The following NBAS variants were observed in gnomAD, a reference collection of about 807,000 sequenced individuals.
NBAS encodes NBAS subunit of NRZ tethering complex, also known as NAG/BC035112 fusion.
In NBAS, 219 loss-of-function variants were observed where a neutral mutation model predicts 302.5. The observed-to-expected ratio is 0.72, with a 90% CI of 0.65 to 0.81. The LOEUF is 0.81. Among genes scored for constraint, NBAS ranks in the 30% least tolerant of loss-of-function variants. The pLI is 0.00. For synonymous variants in NBAS, 1,118 were observed against 1,021.6 expected (o/e 1.09, Z -1.80); for missense variants, 2,932 against 2,841.6 (o/e 1.03, Z -0.72).
chr2:15,295,503 G>A (rs1476908015), intron 40 of NBAS, among the ~76,000 whole-genome samples: 3 of 152,104 alleles, frequency 2.0e-5, no homozygotes, highest in East Asian at 1.9e-4. Context: ...AATATATAGC[G>A]TTCATGGTTG....
At chr2:15,440,645 C>A (rs567541018) in intron 21 of NBAS, among the ~76,000 whole-genome samples, 2 of 152,312 alleles carry the variant, frequency 1.3e-5, no homozygotes, top group African/African-American at 4.8e-5. Context: ...AGCAATGGGA[C>A]AAAGCTGGAT....
chr2:15,038,766 C>T, the NBAS span, among the ~76,000 whole-genome samples: 8 of 152,160 alleles, frequency 5.3e-5, no homozygotes, highest in Non-Finnish European at 1.2e-4. Flanking sequence ...TGAATTCACT[C>T]GAATATGTTC....
At chr2:15,058,858 C>T in the NBAS span, among the ~76,000 whole-genome samples, 1 of 152,162 alleles carries the variant, frequency 6.6e-6, no homozygotes, top group African/African-American at 2.4e-5. Flanking sequence ...GCACTACATG[C>T]CAGGAGATAG....
chr2:14,963,007 A>T, the NBAS span, among the ~76,000 whole-genome samples: 1 of 151,998 alleles, frequency 6.6e-6, no homozygotes, highest in East Asian at 1.9e-4. Flanking sequence ...GGTGGCTTAC[A>T]TCTGTAATCT....
intron 19 of NBAS, among the ~76,000 whole-genome samples, chr2:15,464,828 T>C (rs1679653253): frequency 1.3e-5 from 2 of 152,246 alleles, no homozygotes; most frequent in Admixed American, 1.3e-4. Context: ...ACCTTTGTTC[T>C]GTGCCACCCC....
the NBAS span, among the ~76,000 whole-genome samples, chr2:14,937,859 G>A: frequency 0.043 from 6,557 of 152,156 alleles, 434 homozygotes; most frequent in African/African-American, 0.15. Context: ...GGCAGGGTGC[G>A]GTGGCTCACG....
chr2:15,096,815 A>G, the NBAS span, among the ~76,000 whole-genome samples: 1 of 152,226 alleles, frequency 6.6e-6, no homozygotes, highest in Non-Finnish European at 1.5e-5. Context: ...CACAAAAAAA[A>G]TATATTGGTT....
the NBAS span, among the ~76,000 whole-genome samples, chr2:14,968,409 T>G: frequency 6.6e-6 from 1 of 152,210 alleles, no homozygotes; most frequent in African/African-American, 2.4e-5. Flanking sequence ...AATTTTTTTT[T>G]TTTGTTTGGT....
At chr2:14,956,505 T>A in the NBAS span, among the ~76,000 whole-genome samples, 2 of 152,188 alleles carry the variant, frequency 1.3e-5, no homozygotes, top group Non-Finnish European at 2.9e-5. Context: ...TCCCTTCTCA[T>A]GATGCTATAA....
chr2:15,301,037 G>T (rs967886870), intron 40 of NBAS, among the ~76,000 whole-genome samples: 1 of 152,150 alleles, frequency 6.6e-6, no homozygotes, highest in African/African-American at 2.4e-5. Context: ...TTCACTGAGG[G>T]TCTTATCTGT....
chr2:14,821,804 A>G, the NBAS span, among the ~76,000 whole-genome samples: 2 of 152,000 alleles, frequency 1.3e-5, no homozygotes, highest in South Asian at 4.2e-4. Context: ...CAAGGTCAGG[A>G]GTTCAAGACC....
intron 35 of NBAS, among the ~76,000 whole-genome samples, chr2:15,337,774 A>G (rs963393059): frequency 2.9e-4 from 44 of 152,346 alleles, no homozygotes; most frequent in African/African-American, 9.6e-4. Context: ...TACCAAGATC[A>G]TAGTTTAACC....
At chr2:14,859,877 C>T in the NBAS span, among the ~76,000 whole-genome samples, 1 of 151,962 alleles carries the variant, frequency 6.6e-6, no homozygotes, top group African/African-American at 2.4e-5. Flanking sequence ...AATAAACAAT[C>T]AACAAACTAA....
At chr2:14,787,825 T>C in the NBAS span, among the ~76,000 whole-genome samples, 2 of 152,146 alleles carry the variant, frequency 1.3e-5, no homozygotes, top group South Asian at 4.1e-4. Flanking sequence ...TCAAGGAGTA[T>C]CTTTGTGGCA....
the NBAS span, among the ~76,000 whole-genome samples, chr2:15,099,696 AG>A: frequency 6.6e-6 from 1 of 152,092 alleles, no homozygotes; most frequent in Non-Finnish European, 1.5e-5. Context: ...CTGTTGGGAA[AG>A]CAATAGTTCT....
chr2:15,226,011 C>A lies in NBAS; in HGVS notation c.6236+6411G>T, dbSNP rs1667137469. 1.3e-5 allele frequency among the ~76,000 whole-genome samples: 2 copies of A among 151,800 alleles called. 1 individual carries two copies. Among genetic ancestry groups the A allele is most frequent in the South Asian group, 4.2e-4 (2 of 4,790 alleles). ...TGCAGAATTTCAGACCCCACCCAGACCTACTCTATCAAAATCTGTATTTTA... is the reference window on the plus strand; with the variant it reads ...TGCAGAATTTCAGACCCCACCCAGAACTACTCTATCAAAATCTGTATTTTA... On this transcript the variant is annotated intron_variant, in intron 47 of 51. Transcript: ENST00000281513.
the NBAS span, among the ~76,000 whole-genome samples, chr2:14,803,639 G>GTTGTTTGT: frequency 2.0e-5 from 3 of 151,822 alleles, no homozygotes; most frequent in African/African-American, 7.3e-5. Context: ...TCTTTTTGTT[G>GTTGTTTGT]TTGTTTGTTT....
the NBAS span, among the ~76,000 whole-genome samples, chr2:14,914,755 T>C: frequency 1.3e-5 from 2 of 152,242 alleles, no homozygotes; most frequent in Non-Finnish European, 2.9e-5. Context: ...GGAAAGCCTG[T>C]GTGTTGGTAA....
At chr2:15,351,688 G>GTTTAA (rs1454183204) in intron 35 of NBAS, among the ~76,000 whole-genome samples, 1 of 151,924 alleles carries the variant, frequency 6.6e-6, no homozygotes, top group Non-Finnish European at 1.5e-5. Context: ...AAAAAAGGAA[G>GTTTAA]TTTAATAAGG....
Sources: gnomAD v4.1 joint callset for allele counts (sites outside exome capture counted in the v4.1 genomes callset) on GRCh38, gnomAD v4.1.1 for gene constraint, MANE v1.5 for transcripts, NCBI Gene and HGNC (gene_info 2026-07-23, HGNC 2026-07-21) for gene names.